The following ADAMTS18 variants were observed in gnomAD, a reference collection of about 807,000 sequenced individuals.
ADAMTS18 encodes the protein A disintegrin and metalloproteinase with thrombospondin motifs 18.
In ADAMTS18, 157 loss-of-function variants were observed where a neutral mutation model predicts 165.9. That is an observed-to-expected ratio of 0.95 (90% confidence interval 0.83 to 1.08). The LOEUF (loss-of-function observed/expected upper bound fraction) is 1.08. Among genes scored for constraint, ADAMTS18 ranks in the 50% least tolerant of loss-of-function variants. The pLI is 0.00. For missense variants in ADAMTS18, 2,040 were observed against 1,534.0 expected (o/e 1.33, Z -5.51); for synonymous variants, 782 against 578.2 (o/e 1.35, Z -5.06).
chr16:77,370,790 G>GATATATATATATATAT lies in ADAMTS18; in HGVS notation c.496-3083_496-3068dup, dbSNP rs148727471. Among the ~76,000 whole-genome samples the GATATATATATATATAT allele has an allele frequency of 1.6e-3, 242 of 147,022 alleles. 1 individual carries two copies. The highest frequency in any genetic ancestry group is 5.8e-3 in the African/African-American group (228 of 39,386). On this transcript the variant is annotated intron_variant, in intron 3 of 22. Transcript: ENST00000282849. Reference sequence around the variant, plus strand: ...AAACAATCCCATTTATAATAGCTACGATATATATATATATATACATATACA... The same window carrying GATATATATATATATAT: ...AAACAATCCCATTTATAATAGCTACGATATATATATATATATATATATATATATATATACATATACA...
intron 3 of ADAMTS18, among the ~76,000 whole-genome samples, chr16:77,400,163 T>C (rs2057306928): frequency 1.3e-5 from 2 of 152,196 alleles, no homozygotes; most frequent in Non-Finnish European, 2.9e-5. Flanking sequence ...CATGGTCTTA[T>C]ACCCATTCCC....
In ADAMTS18 at chr16:77,293,031, G is replaced by A. The variant is rs371229828; in HGVS notation, c.3189+45C>T. 166 of 1,611,736 alleles carry A rather than the reference G, an allele frequency of 1.0e-4. 3 individuals carry two copies. The highest frequency in any genetic ancestry group is 3.3e-4 in the Middle Eastern group (2 of 6,046). On this transcript the variant is annotated intron_variant, in intron 20 of 22. Coordinates refer to ENST00000282849, the MANE Select transcript of ADAMTS18 (RefSeq NM_199355.4). The stretch of plus-strand genomic sequence containing the variant: ...AGACAGGGTTTCACTGTGTTAGCCA[G>A]GATGGTCTCAATCTCCTGACCCAGC...
intron 4 of ADAMTS18, among the ~76,000 whole-genome samples, chr16:77,366,645 T>C (rs1421743262): frequency 1.3e-5 from 2 of 152,342 alleles, no homozygotes; most frequent in African/African-American, 2.4e-5. Flanking sequence ...AACTTGAGTA[T>C]GTAAATCTAC....
At chr16:77,299,215 T>G (rs184759088) in intron 17 of ADAMTS18, among the ~76,000 whole-genome samples, 4 of 152,332 alleles carry the variant, frequency 2.6e-5, no homozygotes, top group Admixed American at 2.0e-4. Context: ...GTCAAACACA[T>G]GTTTGCTTAC....
At chr16:77,344,404 C>G (rs746779594) in intron 10 of ADAMTS18, among the ~76,000 whole-genome samples, 5 of 152,040 alleles carry the variant, frequency 3.3e-5, no homozygotes, top group Non-Finnish European at 5.9e-5. Flanking sequence ...TCCCAGCAAA[C>G]TGAATCACAG....
intron 3 of ADAMTS18, among the ~76,000 whole-genome samples, chr16:77,418,421 T>C (rs1416673225): frequency 6.6e-6 from 1 of 152,196 alleles, no homozygotes; most frequent in Non-Finnish European, 1.5e-5. Context: ...GAGACATTTT[T>C]AGCTGACATA....
intron 3 of ADAMTS18, among the ~76,000 whole-genome samples, chr16:77,423,780 C>G (rs2057634780): frequency 6.6e-6 from 1 of 152,124 alleles, no homozygotes; most frequent in African/African-American, 2.4e-5. Flanking sequence ...TTACTTTCCA[C>G]TCCCACAAGA....
At chr16:77,297,437 C>T in intron 17 of ADAMTS18, 22 bp from the exon 18 acceptor site, 1 of 1,605,320 alleles carries the variant, frequency 6.2e-7, no homozygotes. Context: ...TCAGAAGTGA[C>T]AAAGTGAAAA....
intron 3 of ADAMTS18, 98 bp downstream of exon 3, chr16:77,431,197 G>A (rs1567561997): frequency 1.6e-6 from 2 of 1,269,456 alleles, no homozygotes; most frequent in Non-Finnish European, 2.3e-6. Flanking sequence ...GTGAATGTGT[G>A]GAGTTGGCTG....
At chr16:77,314,835 A>C (rs1277777155) in intron 16 of ADAMTS18, among the ~76,000 whole-genome samples, 2 of 131,740 alleles carry the variant, frequency 1.5e-5, no homozygotes, top group Non-Finnish European at 3.2e-5. Flanking sequence ...ATAGTAATTA[A>C]CATTATGGGC....
chr16:77,383,911 C>T (rs1353720836), intron 3 of ADAMTS18, among the ~76,000 whole-genome samples: 1 of 152,156 alleles, frequency 6.6e-6, no homozygotes, highest in African/African-American at 2.4e-5. Flanking sequence ...CTGTTCAAAG[C>T]ATCCTTTCAA....
chr16:77,377,323 T>C (rs2056967985), intron 3 of ADAMTS18, among the ~76,000 whole-genome samples: 1 of 152,216 alleles, frequency 6.6e-6, no homozygotes. Context: ...TAATTTTTAA[T>C]AGTTCAGTGT....
chr16:77,397,058 C>T (rs1597222516), intron 3 of ADAMTS18, among the ~76,000 whole-genome samples: 1 of 152,166 alleles, frequency 6.6e-6, no homozygotes, highest in African/African-American at 2.4e-5. Flanking sequence ...ATCCACCTGC[C>T]TCAGCCTCCC....
intron 16 of ADAMTS18, among the ~76,000 whole-genome samples, chr16:77,312,519 TGAG>T (rs1391860816): frequency 6.6e-6 from 1 of 152,218 alleles, no homozygotes; most frequent in Non-Finnish European, 1.5e-5. Context: ...ATTGCAGGCG[TGAG>T]CCACCGCACT....
chr16:77,341,898 G>A, intron 10 of ADAMTS18, 99 bp from the exon 11 acceptor site: 2 of 955,276 alleles, frequency 2.1e-6, no homozygotes, highest in African/African-American at 1.6e-5. Context: ...TGGGGTAGCT[G>A]AAATCAGAGC....
intron 3 of ADAMTS18, among the ~76,000 whole-genome samples, chr16:77,421,671 A>C (rs1221672616): frequency 6.6e-6 from 1 of 152,190 alleles, no homozygotes; most frequent in Non-Finnish European, 1.5e-5. Context: ...CTGGGTGGCT[A>C]ATATCACTGT....
intron 3 of ADAMTS18, among the ~76,000 whole-genome samples, chr16:77,391,521 A>T (rs531362635): frequency 8.6e-5 from 13 of 151,944 alleles, no homozygotes; most frequent in Non-Finnish European, 1.8e-4. Context: ...GGCTTGGGAC[A>T]AATGAGCTGG....
chr16:77,293,265 A>C lies in ADAMTS18; in HGVS notation c.3007-7T>G, dbSNP rs368889887. ...GTCCACAGGTCTTGGAACACTTGAGAAGACAAAAAAGTTCTATTTGCATTC... is the reference window on the plus strand; with the variant it reads ...GTCCACAGGTCTTGGAACACTTGAGCAGACAAAAAAGTTCTATTTGCATTC... On this transcript the variant is annotated splice_region_variant and splice_polypyrimidine_tract_variant and intron_variant, in intron 19 of 22. Transcript: ENST00000282849. 43 of 1,613,396 alleles carry C rather than the reference A, an allele frequency of 2.7e-5. No individual in the cohort carries two copies. The African/African-American group carries it at 5.1e-4, about 19-fold the overall frequency.
chr16:77,390,464 G>A (rs1366011375), intron 3 of ADAMTS18, among the ~76,000 whole-genome samples: 2 of 151,980 alleles, frequency 1.3e-5, no homozygotes, highest in Non-Finnish European at 2.9e-5. Context: ...GGCCGAGGCG[G>A]GCAGATCACA....
Sources: allele counts gnomAD v4.1 joint callset (sites outside exome capture counted in the v4.1 genomes callset), GRCh38; gene constraint gnomAD v4.1.1; transcripts MANE v1.5; gene names NCBI Gene and HGNC (gene_info 2026-07-23, HGNC 2026-07-21).